RASGRP3: variants seen among roughly 807,000 people sequenced by gnomAD.
RASGRP3 encodes RAS guanyl releasing protein 3.
Under a neutral mutation model 82.7 loss-of-function variants are expected in RASGRP3, and 54 were observed. The observed-to-expected ratio is 0.65, with a 90% CI of 0.52 to 0.82. RASGRP3 has a LOEUF of 0.82. Among genes scored for constraint, RASGRP3 ranks in the 40% least tolerant of loss-of-function variants. The pLI, the probability that RASGRP3 is intolerant of heterozygous loss-of-function variation, is 0.00. For synonymous variants in RASGRP3, 309 were observed against 300.5 expected (o/e 1.03, Z -0.29); for missense variants, 861 against 828.9 (o/e 1.04, Z -0.48).
chr2:33,555,965 C>T (rs1002371764), intron 15 of RASGRP3, among the ~76,000 whole-genome samples: 7 of 152,210 alleles, frequency 4.6e-5, no homozygotes, highest in Non-Finnish European at 8.8e-5. Flanking sequence ...CCTTTCTCTA[C>T]TAAATCACAT....
intron 12 of RASGRP3, 184 bp downstream of exon 12, chr2:33,539,394 CT>C: frequency 1.8e-6 from 1 of 541,352 alleles, no homozygotes; most frequent in East Asian, 3.0e-5. Context: ...CAGAAAGGCC[CT>C]TTTCCCTTTG....
intron 14 of RASGRP3, 72 bp from the exon 15 acceptor site, chr2:33,555,459 C>G: frequency 7.2e-7 from 1 of 1,386,124 alleles, no homozygotes; most frequent in Non-Finnish European, 1.0e-6. Context: ...CCAGGACTTC[C>G]TTTTCAGTGG....
intron 1 of RASGRP3, among the ~76,000 whole-genome samples, chr2:33,488,231 G>A (rs188148072): frequency 0.015 from 2,265 of 152,238 alleles, 25 homozygotes; most frequent in Non-Finnish European, 0.023. Flanking sequence ...GGCAAAGCAC[G>A]TTTCTCTCAA....
chr2:33,447,479 A>G (rs1004107239), intron 1 of RASGRP3, among the ~76,000 whole-genome samples: 1 of 150,600 alleles, frequency 6.6e-6, no homozygotes, highest in East Asian at 1.9e-4. Flanking sequence ...TTGGTCACCC[A>G]GGCTGGAGTG....
Position 33,558,142 on chromosome 2 carries a change from A to C in RASGRP3, c.1580-69A>C, listed in dbSNP as rs1676216159. 3.2e-6 allele frequency: 5 copies of C among 1,559,320 alleles called. No homozygotes were observed. In the Admixed American group the frequency reaches 5.7e-5, roughly 18 times the overall value. On this transcript the variant is annotated intron_variant, in intron 15 of 17. Transcript: ENST00000403687. ...GGGGGAGGGGAGGGCTGACAAATCA[A>C]GTGCCACCCTGGAAACTGAATCAAC...
At chr2:33,526,427 T>C (rs1171044046) in intron 9 of RASGRP3, among the ~76,000 whole-genome samples, 1 of 152,204 alleles carries the variant, frequency 6.6e-6, no homozygotes, top group East Asian at 1.9e-4. Context: ...CTGTACTCAT[T>C]CCAAGTGTAA....
At chr2:33,540,556 T>TTGTGTGTGTG (rs377215232) in intron 12 of RASGRP3, among the ~76,000 whole-genome samples, 26 of 38,648 alleles carry the variant, frequency 6.7e-4, no homozygotes, top group East Asian at 1.2e-3. Flanking sequence ...TGTGTGTGTT[T>TTGTGTGTGTG]TGTGTGTGTG....
At chr2:33,460,102 G>A (rs1666276000) in intron 2 of RASGRP3, among the ~76,000 whole-genome samples, 2 of 152,238 alleles carry the variant, frequency 1.3e-5, no homozygotes, top group South Asian at 2.1e-4. Flanking sequence ...AGGATGTTTA[G>A]TGCAACACTG....
At chr2:33,534,967 TG>T (rs1224599803) in intron 11 of RASGRP3, among the ~76,000 whole-genome samples, 2 of 152,152 alleles carry the variant, frequency 1.3e-5, no homozygotes, top group Non-Finnish European at 2.9e-5. Context: ...ATCTTCTATT[TG>T]TTGTGTTCCT....
chr2:33,473,382 C>CAAA (rs113570731), upstream of RASGRP3, among the ~76,000 whole-genome samples: 1 of 144,858 alleles, frequency 6.9e-6, no homozygotes, highest in African/African-American at 2.5e-5. Flanking sequence ...GACTCCGTCT[C>CAAA]AAAAAAAAAA....
intron 2 of RASGRP3, among the ~76,000 whole-genome samples, chr2:33,470,416 G>A (rs926831542): frequency 1.4e-5 from 2 of 138,742 alleles, no homozygotes; most frequent in African/African-American, 5.5e-5. Context: ...GTCTCACTCT[G>A]TTGCCCAGGC....
At chr2:33,444,796 G>A (rs1296890547) in intron 1 of RASGRP3, among the ~76,000 whole-genome samples, 2 of 152,166 alleles carry the variant, frequency 1.3e-5, no homozygotes, top group Non-Finnish European at 2.9e-5. Context: ...GGCAATAGAA[G>A]TTTTTTTAAT....
At chr2:33,468,151 T>TA (rs1241651347) in intron 2 of RASGRP3, among the ~76,000 whole-genome samples, 1 of 151,846 alleles carries the variant, frequency 6.6e-6, no homozygotes, top group African/African-American at 2.4e-5. Flanking sequence ...AAGATCTCAT[T>TA]AAAAAATGAA....
At chr2:33,458,655 C>T (rs1036328507) in intron 2 of RASGRP3, among the ~76,000 whole-genome samples, 11 of 152,226 alleles carry the variant, frequency 7.2e-5, no homozygotes, top group South Asian at 4.2e-4. Context: ...AGAGCGGGCT[C>T]TTCAGTTACC....
chr2:33,513,486 G>A (rs530774098), intron 2 of RASGRP3, among the ~76,000 whole-genome samples: 1 of 152,352 alleles, frequency 6.6e-6, no homozygotes, highest in East Asian at 1.9e-4. Context: ...CCTGGCATAG[G>A]TCAGGTGCTC....
At chr2:33,471,341 ATTTTTTTTTTT>A (rs70940204) in intron 2 of RASGRP3, among the ~76,000 whole-genome samples, 3 of 106,790 alleles carry the variant, frequency 2.8e-5, no homozygotes, top group Non-Finnish European at 5.4e-5. Context: ...ACACTGGGCT[ATTTTTTTTTTT>A]TTTTTTTTTT....
chr2:33,496,613 T>A (rs1452234008), intron 1 of RASGRP3, among the ~76,000 whole-genome samples: 1 of 152,222 alleles, frequency 6.6e-6, no homozygotes, highest in Non-Finnish European at 1.5e-5. Context: ...CCCAGCACTT[T>A]GGGAGGCTGA....
intron 14 of RASGRP3, among the ~76,000 whole-genome samples, chr2:33,550,206 G>A (rs1675227476): frequency 6.6e-6 from 1 of 152,152 alleles, no homozygotes; most frequent in South Asian, 2.1e-4. Context: ...AGAGAAGCTG[G>A]TTATAATAAT....
intron 1 of RASGRP3, among the ~76,000 whole-genome samples, chr2:33,505,153 T>TCACCACCACCACCACCAC (rs10652330): frequency 2.0e-5 from 3 of 149,934 alleles, no homozygotes; most frequent in African/African-American, 7.4e-5. Context: ...ATCATCATCA[T>TCACCACCACCACCACCAC]CACCACCACC....
Sources: allele counts gnomAD v4.1 joint callset (sites outside exome capture counted in the v4.1 genomes callset), GRCh38; gene constraint gnomAD v4.1.1; transcripts MANE v1.5; gene names NCBI Gene and HGNC (gene_info 2026-07-23, HGNC 2026-07-21).